Variants in AARS2 observed in about 807,000 individuals in gnomAD.
AARS2 encodes alanyl-tRNA synthetase 2, mitochondrial.
AARS2 carries 78 observed loss-of-function variants against 119.7 expected under a neutral mutation model. That is an observed-to-expected ratio of 0.65 (90% CI 0.54 to 0.79). The LOEUF is 0.79. Among genes scored for constraint, AARS2 ranks in the 30% least tolerant of loss-of-function variants. The probability of loss-of-function intolerance (pLI) is 0.00; values close to 1 mark genes in which losing one functional copy is unlikely to be tolerated. For missense variants in AARS2, 1,157 were observed against 1,291.3 expected, an observed-to-expected ratio of 0.90 and a Z score of 1.59; for synonymous variants, 502 against 526.3, an observed-to-expected ratio of 0.95 and a Z score of 0.63.
chr6:44,305,843 G>A lies in AARS2; in HGVS notation c.1301-57C>T, dbSNP rs1785797573. Reference sequence around the variant, plus strand: ...AGGGGAGGGATTAGACAAAGAAGGGGAGAAAAATAAGGTCCAGGGCCCTTC... The same window carrying A: ...AGGGGAGGGATTAGACAAAGAAGGGAAGAAAAATAAGGTCCAGGGCCCTTC... On this transcript the variant is annotated intron_variant, in intron 9 of 21. Coordinates refer to ENST00000244571, the MANE Select transcript of AARS2 (RefSeq NM_020745.4). This position sits in a 1 kb window ranked among gnomAD's most constrained non-coding sequence, Gnocchi z 4.6. 6.2e-7 allele frequency: 1 copy of A among 1,605,410 alleles called. No homozygotes were observed. Among genetic ancestry groups the A allele is most frequent in the Non-Finnish European group, 8.5e-7 (1 of 1,172,848 alleles).
chr6:44,304,078 G>C (rs1440358830), intron 14 of AARS2, 103 bp downstream of exon 14: 7 of 1,553,584 alleles, frequency 4.5e-6, no homozygotes, highest in Non-Finnish European at 6.1e-6. Context: ...TGGCCGTGCT[G>C]GGCCTAGAGC....
chr6:44,304,756 G>A lies in AARS2; in HGVS notation c.1641C>T (p.Ala547=). The A allele has an allele frequency of 6.2e-7, 1 of 1,614,246 alleles. No homozygotes were observed. Among genetic ancestry groups the A allele is most frequent in the South Asian group, 1.1e-5 (1 of 91,088 alleles). ...CACAGCGCTGGCCTTTCCCCACGGA[G>A]GCCACTGCTGTCCCGTCCTCTGTAT... is the stretch of plus-strand genomic sequence containing the variant. ...QLYTEDGTAV[A]SVGKGQRCGL... The change falls in exon 12 of 22, where the codon GCC becomes GCT. Residue 547 remains alanine, a synonymous_variant. Transcript: ENST00000244571.
rs947219901 is a variant in AARS2, at chr6:44,301,953, G to A, written c.2598+107C>T. ...AGGAGAAGGAAGCTGCCACCACCCC[G>A]TCCTTGCACAGCCTCTGACTCACCC... On this transcript the variant is annotated intron_variant, in intron 19 of 21. Transcript: ENST00000244571. 19 of 1,164,284 alleles carry A rather than the reference G, an allele frequency of 1.6e-5. No homozygotes were observed. In the Admixed American group the frequency reaches 1.8e-4, roughly 11 times the overall value. 72.1% of individuals were successfully genotyped at this position (1,164,284 alleles called of 1,614,324 possible). A position where few individuals can be genotyped will look rare whatever the true frequency, so the allele number is the denominator to read the frequency against.
At chr6:44,303,502 A>G in intron 14 of AARS2, 79 bp from the exon 15 acceptor site, 2 of 1,603,196 alleles carry the variant, frequency 1.2e-6, no homozygotes, top group Admixed American at 1.7e-5. Flanking sequence ...AAACACGGTC[A>G]ATGTTCACTG....
In AARS2 at chr6:44,311,535, C is replaced by T. The variant is rs753770456; in HGVS notation, c.436G>A (p.Glu146Lys). The stretch of plus-strand genomic sequence containing the variant: ...TCCCAGGCCATGTTACAAGCCTCCT[C>T]CTGCAGCAGAAACCAGCATGGGGTG... The part of the protein sequence containing the change: ...NWAFGGEYFK[E>K]EACNMAWELL... The change falls in exon 3 of 22, where the codon GAG (glutamate) becomes AAG (lysine). Residue 146 changes from glutamate (E) to lysine (K), a missense_variant and splice_region_variant. Coordinates refer to ENST00000244571, the MANE Select transcript of AARS2 (RefSeq NM_020745.4). 2 of 1,613,452 alleles carry T rather than the reference C, an allele frequency of 1.2e-6. No homozygotes were observed. Among genetic ancestry groups the T allele is most frequent in the Non-Finnish European group, 1.7e-6 (2 of 1,179,820 alleles).
Position 44,303,432 on chromosome 6 carries a change from G to C in AARS2, c.2008-9C>G, listed in dbSNP as rs566987521. ...TCTGGGGTCAATGGGGTCTGGAGGG[G>C]TGGGGAGGAAATGGAAAGACCAACA... On this transcript the variant is annotated splice_polypyrimidine_tract_variant and intron_variant, in intron 14 of 21. Coordinates refer to ENST00000244571, the MANE Select transcript of AARS2 (RefSeq NM_020745.4). 2 of 1,613,812 alleles carry C rather than the reference G, an allele frequency of 1.2e-6. No homozygotes were observed.
chr6:44,304,063 T>C, intron 14 of AARS2, 118 bp downstream of exon 14: 2 of 1,462,664 alleles, frequency 1.4e-6, no homozygotes, highest in Non-Finnish European at 1.9e-6. Context: ...CCCATAGTGA[T>C]TGGGTGGCCG....
Position 44,304,741 on chromosome 6 carries a change from GC to G in AARS2, c.1655del (p.Gly552AlafsTer39). 6.2e-7 allele frequency: 1 copy of G among 1,614,214 alleles called. No individual in the cohort carries two copies. The highest frequency in any genetic ancestry group is 1.1e-5 in the South Asian group (1 of 91,082). ...TGTCCAAGAGGAGGCCACAGCGCTG[GC>G]CTTTCCCCACGGAGGCCACTGCTGT... ...DGTAVASVGK[G>X]QRCGLLLDRT... is the part of the protein sequence containing the mutation. On this transcript the variant is annotated frameshift_variant, in exon 12 of 22. Coordinates refer to ENST00000244571, the MANE Select transcript of AARS2 (RefSeq NM_020745.4). LOFTEE classifies it high-confidence loss of function.
intron 1 of AARS2, among the ~76,000 whole-genome samples, chr6:44,312,493 C>T (rs1294969239): frequency 6.6e-6 from 1 of 152,112 alleles, no homozygotes; most frequent in African/African-American, 2.4e-5. Context: ...GACCCTCTGC[C>T]TAGTAAAATA....
At chr6:44,304,897 G>A (rs1785700395) in intron 11 of AARS2, 80 bp from the exon 12 acceptor site, 6 of 1,609,024 alleles carry the variant, frequency 3.7e-6, no homozygotes, top group Non-Finnish European at 4.3e-6. Context: ...AGGCCAACAA[G>A]CACCCCCGCT....
At chr6:44,310,769 G>A (rs1005002623) in intron 4 of AARS2, among the ~76,000 whole-genome samples, 10 of 152,302 alleles carry the variant, frequency 6.6e-5, no homozygotes, top group Admixed American at 2.0e-4. Flanking sequence ...AGTTCAACTC[G>A]TTGATCATCA....
Position 44,305,596 on chromosome 6 carries a change from C to G in AARS2, c.1434+57G>C. ...ATTCACAGCTCCTCCCCCAGGAGCT[C>G]AGGGCTGGGGAAGAGGTGTCCTAAC... On this transcript the variant is annotated intron_variant, in intron 10 of 21. Transcript: ENST00000244571. The surrounding 1 kb of genome is among the most constrained non-coding windows in gnomAD (Gnocchi z 4.6). 1 of 1,610,636 alleles carries G rather than the reference C, an allele frequency of 6.2e-7. No homozygotes were observed. The highest frequency in any genetic ancestry group is 2.2e-5 in the East Asian group (1 of 44,882).
Position 44,302,865 on chromosome 6 carries a change from C to T in AARS2, c.2301G>A (p.Gly767=). ...TGAVGDLVII[G]DRQLSKGTTR... ...TAGTGCCCTTGGAAAGCTGGCGGTCCCCGATGATAACCAGGTCCCCTACAG... is the reference window on the plus strand; with the variant it reads ...TAGTGCCCTTGGAAAGCTGGCGGTCTCCGATGATAACCAGGTCCCCTACAG... The change falls in exon 17 of 22, where the codon GGG becomes GGA. Residue 767 remains glycine, a synonymous_variant. Transcript: ENST00000244571. The T allele has an allele frequency of 6.2e-7, 1 of 1,614,128 alleles. No homozygotes were observed. Among genetic ancestry groups the T allele is most frequent in the Non-Finnish European group, 8.5e-7 (1 of 1,180,024 alleles).
At position 44,305,171 on chromosome 6, in the gene AARS2, G is replaced by C. The variant is rs1427554166; in HGVS notation, c.1462C>G (p.Gln488Glu). Reference protein sequence around the residue: ...QHRARQAEPVQKQGLWLDVHA... With the variant: ...QHRARQAEPVEKQGLWLDVHA... Reference sequence around the variant, plus strand: ...ACATCAAGCCACAATCCCTGCTTCTGAACTGGCTCAGCCTGCCGTGCCCGG... The same window carrying C: ...ACATCAAGCCACAATCCCTGCTTCTCAACTGGCTCAGCCTGCCGTGCCCGG... The change falls in exon 11 of 22, where the codon CAG becomes GAG. Residue 488 changes from glutamine to glutamate, a missense_variant. Transcript: ENST00000244571. The surrounding 1 kb of genome is among the most constrained non-coding windows in gnomAD (Gnocchi z 4.6). The C allele has an allele frequency of 3.7e-6, 6 of 1,613,078 alleles. No individual in the cohort carries two copies. The highest frequency in any genetic ancestry group is 4.2e-6 in the Non-Finnish European group (5 of 1,180,050).
At chr6:44,303,845 C>T (rs1371651540) in intron 14 of AARS2, among the ~76,000 whole-genome samples, 1 of 152,160 alleles carries the variant, frequency 6.6e-6, no homozygotes, top group Non-Finnish European at 1.5e-5. Context: ...GACAGGGTGG[C>T]AGCAGAGGGA....
chr6:44,311,224 C>T lies in AARS2; in HGVS notation c.582-63G>A, dbSNP rs764076716. 1.9e-6 allele frequency: 3 copies of T among 1,605,330 alleles called. No homozygotes were observed. The African/African-American group carries it at 4.0e-5, about 21-fold the overall frequency. On this transcript the variant is annotated intron_variant, in intron 3 of 21. Transcript: ENST00000244571. Reference sequence around the variant, plus strand: ...GACCCAGAAGCTGGGACTCTCTCTGCCATGAGAGCCCCTCCCTCAAGTCAC... The same window carrying T: ...GACCCAGAAGCTGGGACTCTCTCTGTCATGAGAGCCCCTCCCTCAAGTCAC...
rs569045864 is a variant in AARS2, at chr6:44,309,283, C to T, written c.894+1016G>A. On this transcript the variant is annotated intron_variant, in intron 5 of 21. Transcript: ENST00000244571. ...TACTGCCCCCAAACTGACAGCCAGC[C>T]AAGCCCCAGAGGAGCTGCGGCCTCT... Among the ~76,000 whole-genome samples the T allele has an allele frequency of 2.0e-5, 3 of 152,336 alleles. No individual in the cohort carries two copies. In the East Asian group the frequency reaches 5.8e-4, roughly 29 times the overall value.
Position 44,302,376 on chromosome 6 carries a change from AGGCGT to A in AARS2, c.2487+10_2487+14del. On this transcript the variant is annotated intron_variant, in intron 18 of 21. Coordinates refer to ENST00000244571, the MANE Select transcript of AARS2 (RefSeq NM_020745.4). ...TAGGGCTAGGAGAGGGTGGGGTGGT[AGGCGT>A]GGCCCTCACTTCAATGAGTCGTCCT... 3 of 1,614,020 alleles carry A rather than the reference AGGCGT, an allele frequency of 1.9e-6. No homozygotes were observed. The highest frequency in any genetic ancestry group is 1.7e-6 in the Non-Finnish European group (2 of 1,180,014).
At position 44,304,512 on chromosome 6, in the gene AARS2, G is replaced by C; in HGVS notation, c.1774C>G (p.Arg592Gly). 6.2e-7 allele frequency: 1 copy of C among 1,614,122 alleles called. No homozygotes were observed. Among genetic ancestry groups the C allele is most frequent in the Non-Finnish European group, 8.5e-7 (1 of 1,180,004 alleles). ...ATGAAACCTCCACAGACCTGGGCCCGGGCTACTGGGAACAGCACGTCCTGA... is the reference window on the plus strand; with the variant it reads ...ATGAAACCTCCACAGACCTGGGCCCCGGCTACTGGGAACAGCACGTCCTGA... ...GQEDVLFPVA[R>G]AQVCGGFILH... The change falls in exon 13 of 22, where the codon CGG (arginine) becomes GGG (glycine). Residue 592 changes from arginine to glycine, a missense_variant. Coordinates refer to ENST00000244571, the MANE Select transcript of AARS2 (RefSeq NM_020745.4).
Sources: allele counts gnomAD v4.1 joint callset (sites outside exome capture counted in the v4.1 genomes callset), GRCh38; gene constraint gnomAD v4.1.1; non-coding constraint Gnocchi (gnomAD v3.1); transcripts MANE v1.5; gene names NCBI Gene and HGNC (gene_info 2026-07-23, HGNC 2026-07-21).